Variants in SEC24A observed in about 807,000 individuals in gnomAD.
SEC24A encodes the protein protein transport protein Sec24A.
SEC24A carries 93 observed loss-of-function variants against 129.4 expected under a neutral mutation model. The observed-to-expected ratio is 0.72, with a 90% CI of 0.61 to 0.85. SEC24A has a LOEUF of 0.85. Ranked by LOEUF, SEC24A falls within the 40% of genes least tolerant of loss-of-function variation. The pLI is 0.00. For missense variants in SEC24A, 1,264 were observed against 1,307.4 expected (o/e 0.97, Z 0.51); for synonymous variants, 460 against 467.3 (o/e 0.98, Z 0.20).
Position 134,725,174 on chromosome 5 carries a change from T to G in SEC24A, c.*80T>G. 2 of 716,648 alleles carry G rather than the reference T, an allele frequency of 2.8e-6. No homozygotes were observed. The highest frequency in any genetic ancestry group is 1.7e-5 in the South Asian group (1 of 57,514). 44.4% of individuals were successfully genotyped at this position (716,648 alleles called of 1,614,324 possible). Reference sequence around the variant, plus strand: ...CTGGAAATGTGTAATACCTTCTTTTTCTATTATGTTTGTGGACTAATGTGA... The same window carrying G: ...CTGGAAATGTGTAATACCTTCTTTTGCTATTATGTTTGTGGACTAATGTGA... On this transcript the variant is annotated 3_prime_UTR_variant, in exon 23 of 23. Coordinates refer to ENST00000398844, the MANE Select transcript of SEC24A (RefSeq NM_021982.3).
chr5:134,695,653 C>T lies in SEC24A; in HGVS notation c.1987-1473C>T, dbSNP rs147729685. On this transcript the variant is annotated intron_variant, in intron 13 of 22. Coordinates refer to ENST00000398844, the MANE Select transcript of SEC24A (RefSeq NM_021982.3). ...TACAAAAATTAACCGGGCGTGGTGG[C>T]ACACACCTGTAATCCCAGCTACTCA... Among the ~76,000 whole-genome samples the T allele has an allele frequency of 1.4e-3, 212 of 151,968 alleles. 1 individual carries two copies. The highest frequency in any genetic ancestry group is 4.1e-3 in the African/African-American group (168 of 41,466).
chr5:134,650,948 T>C (rs1296041385), intron 1 of SEC24A, among the ~76,000 whole-genome samples: 1 of 151,996 alleles, frequency 6.6e-6, no homozygotes, highest in Non-Finnish European at 1.5e-5. Context: ...CTAATTTTTA[T>C]ATTTTTAGTA....
chr5:134,664,109 C>CA (rs11433266), intron 2 of SEC24A, among the ~76,000 whole-genome samples: 3,820 of 137,668 alleles, frequency 0.028, 71 homozygotes, highest in African/African-American at 0.063. Context: ...GACTCCATCT[C>CA]AAAAAAAAAA....
Position 134,725,835 on chromosome 5 carries a change from T to G in SEC24A, c.*741T>G, listed in dbSNP as rs1752745961. Reference sequence around the variant, plus strand: ...TCTATAGTGAAAAGAATTTGAGCTGTCTTCATAAACACTGGGACTAGCAAT... The same window carrying G: ...TCTATAGTGAAAAGAATTTGAGCTGGCTTCATAAACACTGGGACTAGCAAT... On this transcript the variant is annotated 3_prime_UTR_variant, in exon 23 of 23. Coordinates refer to ENST00000398844, the MANE Select transcript of SEC24A (RefSeq NM_021982.3). 6.6e-6 allele frequency: 1 copy of G among 152,526 alleles called. No homozygotes were observed. The highest frequency in any genetic ancestry group is 2.4e-5 in the African/African-American group (1 of 41,454). 9.4% of individuals were successfully genotyped at this position (152,526 alleles called of 1,614,324 possible).
At position 134,726,996 on chromosome 5, in the gene SEC24A, A is replaced by G. The variant is rs1334425483; in HGVS notation, c.*1902A>G. 6.6e-6 allele frequency: 1 copy of G among 152,574 alleles called. No individual in the cohort carries two copies. Among genetic ancestry groups the G allele is most frequent in the Non-Finnish European group, 1.5e-5 (1 of 68,006 alleles). The allele number at this position is 152,574 out of a possible 1,614,324, so 9.5% of individuals were successfully genotyped here. A position where few individuals can be genotyped will look rare whatever the true frequency, so the allele number is the denominator to read the frequency against. ...TTTTAGATACGGTGTAACATGTGCA[A>G]TTCAGAATAATTTTATAACAGGTCA... On this transcript the variant is annotated 3_prime_UTR_variant, in exon 23 of 23. Transcript: ENST00000398844.
At chr5:134,724,543 G>A (rs573341620) in intron 22 of SEC24A, among the ~76,000 whole-genome samples, 4 of 151,300 alleles carry the variant, frequency 2.6e-5, no homozygotes, top group Middle Eastern at 3.2e-3. Context: ...AGCCAGGATC[G>A]TGCCATTGCA....
At chr5:134,671,284 A>G (rs1561808463) in intron 3 of SEC24A, among the ~76,000 whole-genome samples, 1 of 151,668 alleles carries the variant, frequency 6.6e-6, no homozygotes, top group Non-Finnish European at 1.5e-5. Context: ...CTGATCTCTG[A>G]CTCCTGACCT....
intron 1 of SEC24A, among the ~76,000 whole-genome samples, chr5:134,649,942 G>T (rs1749992597): frequency 6.6e-6 from 1 of 152,176 alleles, no homozygotes; most frequent in African/African-American, 2.4e-5. Context: ...AAGACTTTCT[G>T]CCGACAGATT....
chr5:134,675,783 G>A (rs1455270075), intron 6 of SEC24A, among the ~76,000 whole-genome samples: 1 of 152,058 alleles, frequency 6.6e-6, no homozygotes, highest in African/African-American at 2.4e-5. Flanking sequence ...TGATAGTTTA[G>A]ACTGTTTTAC....
chr5:134,671,075 C>T (rs1180922348), intron 3 of SEC24A, among the ~76,000 whole-genome samples: 6 of 151,948 alleles, frequency 3.9e-5, no homozygotes, highest in Admixed American at 6.6e-5. Context: ...GATGGAGTTT[C>T]GCTCTGTCGC....
At chr5:134,709,837 T>C (rs1308925054) in intron 18 of SEC24A, among the ~76,000 whole-genome samples, 1 of 137,386 alleles carries the variant, frequency 7.3e-6, no homozygotes, top group African/African-American at 3.6e-5. Context: ...ACCATACATG[T>C]TATTTTATTT....
At chr5:134,662,097 C>T (rs954043391) in intron 2 of SEC24A, among the ~76,000 whole-genome samples, 14 of 151,966 alleles carry the variant, frequency 9.2e-5, no homozygotes, top group African/African-American at 2.2e-4. Flanking sequence ...TCCCAAAGTG[C>T]GAGGATTACA....
At chr5:134,664,273 A>T (rs1209601774) in intron 2 of SEC24A, among the ~76,000 whole-genome samples, 1 of 152,102 alleles carries the variant, frequency 6.6e-6, no homozygotes, top group Admixed American at 6.6e-5. Context: ...GAGAGTTGGT[A>T]CCTGATAGTC....
chr5:134,680,324 A>G (rs568244046), intron 8 of SEC24A, among the ~76,000 whole-genome samples: 15 of 152,098 alleles, frequency 9.9e-5, no homozygotes, highest in African/African-American at 3.6e-4. Context: ...AGAGGAATAT[A>G]AGAGTTTTGT....
chr5:134,715,237 A>G, intron 19 of SEC24A, 76 bp downstream of exon 19: 1 of 1,252,126 alleles, frequency 8.0e-7, no homozygotes, highest in Non-Finnish European at 1.1e-6. Flanking sequence ...GAAATGAGGA[A>G]GGGTTTGTTT....
chr5:134,715,292 G>A (rs1261710517), intron 19 of SEC24A, 131 bp downstream of exon 19: 1 of 850,980 alleles, frequency 1.2e-6, no homozygotes, highest in Admixed American at 3.4e-5. Flanking sequence ...TATTTTTTTG[G>A]CTAAGTCTGA....
chr5:134,713,335 T>G (rs577694070), intron 18 of SEC24A, among the ~76,000 whole-genome samples: 129 of 152,248 alleles, frequency 8.5e-4, no homozygotes, highest in African/African-American at 3.1e-3. Flanking sequence ...TCTTCCCGAT[T>G]TAATATGCAG....
intron 1 of SEC24A, among the ~76,000 whole-genome samples, chr5:134,655,480 C>G (rs1032117334): frequency 6.6e-6 from 1 of 152,002 alleles, no homozygotes; most frequent in African/African-American, 2.4e-5. Flanking sequence ...GAAACCTTGT[C>G]TCTACTAAAA....
intron 1 of SEC24A, 81 bp downstream of exon 1, chr5:134,649,254 G>T: frequency 9.6e-7 from 1 of 1,040,494 alleles, no homozygotes; most frequent in Non-Finnish European, 1.4e-6. Context: ...AGGCGACATA[G>T]ATAGAGAGAG....
Sources: allele counts gnomAD v4.1 joint callset (sites outside exome capture counted in the v4.1 genomes callset), GRCh38; gene constraint gnomAD v4.1.1; transcripts MANE v1.5; gene names NCBI Gene and HGNC (gene_info 2026-07-23, HGNC 2026-07-21).